The following SYT9 variants were observed in gnomAD, a reference collection of about 807,000 sequenced individuals.
The protein encoded by SYT9 is synaptotagmin 9.
SYT9 carries 22 observed loss-of-function variants against 48.4 expected under a neutral mutation model. That is an observed-to-expected ratio of 0.45 (90% CI 0.32 to 0.65). The LOEUF (loss-of-function observed/expected upper bound fraction) is 0.65. Ranked by LOEUF, SYT9 falls within the 30% of genes least tolerant of loss-of-function variation. The pLI, the probability that SYT9 is intolerant of heterozygous loss-of-function variation, is 0.03. For synonymous variants in SYT9, 265 were observed against 245.0 expected (o/e 1.08, Z -0.76); for missense variants, 577 against 622.0 (o/e 0.93, Z 0.77).
intron 6 of SYT9, among the ~76,000 whole-genome samples, chr11:7,463,243 T>TATTA (rs1470254627): frequency 2.0e-5 from 3 of 152,188 alleles, no homozygotes; most frequent in African/African-American, 7.2e-5. Flanking sequence ...GCTCAACAGT[T>TATTA]ATTAAACCAC....
At chr11:7,338,338 T>C (rs1260624890) in intron 3 of SYT9, among the ~76,000 whole-genome samples, 1 of 152,196 alleles carries the variant, frequency 6.6e-6, no homozygotes, top group Non-Finnish European at 1.5e-5. Context: ...TGATTTTTCA[T>C]GTCTCAATAT....
Position 7,407,404 on chromosome 11 carries a change from C to T in SYT9, c.1045-8638C>T, listed in dbSNP as rs1323989208. On this transcript the variant is annotated intron_variant, in intron 3 of 6. Coordinates refer to ENST00000318881, the MANE Select transcript of SYT9 (RefSeq NM_175733.4). ...TTTTTTTTTTTTTGAGACGGAGTCT[C>T]GCTCTGTCGCCCAGGCCGGACTGCG... Among the ~76,000 whole-genome samples the T allele has an allele frequency of 6.7e-5, 5 of 74,606 alleles. 1 individual carries two copies. Among genetic ancestry groups the T allele is most frequent in the Non-Finnish European group, 4.2e-5 (2 of 47,256 alleles). 48.9% of individuals were successfully genotyped at this position (74,606 alleles called of 152,430 possible).
intron 6 of SYT9, chr11:7,465,753 A>C (rs1848319718): frequency 5.9e-6 from 1 of 169,198 alleles, no homozygotes; most frequent in African/African-American, 2.4e-5. Flanking sequence ...CTGGACTTAC[A>C]GTTCCACATG....
At chr11:7,249,565 C>T (rs1489489993), upstream of SYT9, among the ~76,000 whole-genome samples, 2 of 152,186 alleles carry the variant, frequency 1.3e-5, no homozygotes, top group East Asian at 1.9e-4. Flanking sequence ...GCATCAACCA[C>T]TTTGGGATGT....
intron 6 of SYT9, chr11:7,439,877 T>C (rs1847795924): frequency 6.6e-6 from 1 of 152,360 alleles, no homozygotes; most frequent in Non-Finnish European, 1.5e-5. Flanking sequence ...AAGCTGTTTA[T>C]GGGCTGTCCA....
chr11:7,418,041 C>T lies in SYT9; in HGVS notation c.1250C>T (p.Pro417Leu), dbSNP rs765080670. Residue 417 changes from proline to leucine, a missense_variant, in exon 5 of 7, where the codon CCT becomes CTT. By Grantham distance (98) the Pro-to-Leu change is moderately conservative. Coordinates refer to ENST00000318881, the MANE Select transcript of SYT9 (RefSeq NM_175733.4). Reference sequence around the variant, plus strand: ...TCCACCAAGAGGAACACCTTGAATCCTGTTTACAACGAAGCCATAGTCTTT... The same window carrying T: ...TCCACCAAGAGGAACACCTTGAATCTTGTTTACAACGAAGCCATAGTCTTT... The part of the protein sequence containing the change: ...KTSTKRNTLN[P>L]VYNEAIVFDV... The T allele has an allele frequency of 6.2e-7, 1 of 1,614,204 alleles. No individual in the cohort carries two copies. Among genetic ancestry groups the T allele is most frequent in the Admixed American group, 1.7e-5 (1 of 60,022 alleles).
At chr11:7,406,564 A>G (rs1472388323) in intron 3 of SYT9, among the ~76,000 whole-genome samples, 1 of 113,330 alleles carries the variant, frequency 8.8e-6, no homozygotes, top group Non-Finnish European at 1.9e-5. Flanking sequence ...ATATATATAT[A>G]TATAGCACAT....
chr11:7,362,142 A>ATTTT (rs59675647), intron 3 of SYT9, among the ~76,000 whole-genome samples: 18 of 138,230 alleles, frequency 1.3e-4, no homozygotes, highest in East Asian at 2.1e-4. Context: ...ATTTTATTTT[A>ATTTT]TTTTTTTTTT....
chr11:7,309,460 C>T (rs182477108), intron 2 of SYT9, among the ~76,000 whole-genome samples: 223 of 152,286 alleles, frequency 1.5e-3, no homozygotes, highest in African/African-American at 4.8e-3. Flanking sequence ...AATTCCTACA[C>T]TCCCTCAATG....
chr11:7,323,116 G>T (rs10769778), intron 3 of SYT9, among the ~76,000 whole-genome samples: 65,064 of 151,824 alleles, frequency 0.43, 14,707 homozygotes, highest in East Asian at 0.92. Context: ...TTAATTTTAA[G>T]TTTTTTTCTA....
chr11:7,422,285 G>A (rs79914061), intron 6 of SYT9, among the ~76,000 whole-genome samples: 1,816 of 152,266 alleles, frequency 0.012, 30 homozygotes, highest in African/African-American at 0.04. Flanking sequence ...CAGGGTTTAT[G>A]GATTCTAACC....
rs1185152848 is a variant in SYT9, at chr11:7,432,604, T to A, written c.1467+11969T>A. On this transcript the variant is annotated intron_variant, in intron 6 of 6. Transcript: ENST00000318881. ...AAAAATATATATACATATATATATATATATATATATATATATATATATATA... is the reference window on the plus strand; with the variant it reads ...AAAAATATATATACATATATATATAAATATATATATATATATATATATATA... Among the ~76,000 whole-genome samples, 15 of 11,780 alleles carry A rather than the reference T, an allele frequency of 1.3e-3. 3 individuals carry two copies. Among genetic ancestry groups the A allele is most frequent in the Admixed American group, 4.2e-3 (4 of 942 alleles). The allele number at this position is 11,780 out of a possible 152,430, so 7.7% of individuals were successfully genotyped here.
In SYT9 at chr11:7,282,611, T is replaced by A. The variant is rs79901883; in HGVS notation, c.146-20428T>A. Among the ~76,000 whole-genome samples the A allele has an allele frequency of 2.4e-3, 371 of 152,222 alleles. 2 individuals are homozygous for A. Among genetic ancestry groups the A allele is most frequent in the Admixed American group, 5.8e-3 (88 of 15,296 alleles). On this transcript the variant is annotated intron_variant, in intron 1 of 6. Coordinates refer to ENST00000318881, the MANE Select transcript of SYT9 (RefSeq NM_175733.4). ...CCTCTCTGAGTACTGTGTGCACGCT[T>A]GCCAGCCTAGAGGTGTCTTCAGTGG...
chr11:7,456,857 G>A (rs1223454128), intron 6 of SYT9: 1 of 152,158 alleles, frequency 6.6e-6, no homozygotes, highest in Non-Finnish European at 1.5e-5. Context: ...GATCTGTCAA[G>A]GCAAGAGGGG....
chr11:7,270,503 T>C (rs937691804), intron 1 of SYT9, among the ~76,000 whole-genome samples: 15 of 152,224 alleles, frequency 9.9e-5, no homozygotes, highest in African/African-American at 3.4e-4. Context: ...TTTTTCTAAA[T>C]GCTAATCAGT....
At chr11:7,338,556 C>G (rs1849665623) in intron 3 of SYT9, among the ~76,000 whole-genome samples, 1 of 152,078 alleles carries the variant, frequency 6.6e-6, no homozygotes, top group Non-Finnish European at 1.5e-5. Flanking sequence ...TGTCTTTGTT[C>G]TCATTAGTAT....
chr11:7,308,018 G>T (rs1199586002), intron 2 of SYT9, among the ~76,000 whole-genome samples: 1 of 152,174 alleles, frequency 6.6e-6, no homozygotes, highest in Non-Finnish European at 1.5e-5. Flanking sequence ...GCCCAAGAAA[G>T]CCTCAGATTT....
intron 6 of SYT9, among the ~76,000 whole-genome samples, chr11:7,450,170 C>A (rs1399564654): frequency 3.9e-5 from 6 of 152,234 alleles, no homozygotes; most frequent in Non-Finnish European, 8.8e-5. Flanking sequence ...TGAGGCTTAA[C>A]TAATTTATCC....
intron 3 of SYT9, among the ~76,000 whole-genome samples, chr11:7,411,190 G>A (rs897253228): frequency 6.6e-6 from 1 of 152,116 alleles, no homozygotes; most frequent in Non-Finnish European, 1.5e-5. Flanking sequence ...CTTTGTTCCT[G>A]CCATGCTCTT....
Sources: allele counts gnomAD v4.1 joint callset (sites outside exome capture counted in the v4.1 genomes callset), GRCh38; gene constraint gnomAD v4.1.1; transcripts MANE v1.5; gene names NCBI Gene and HGNC (gene_info 2026-07-23, HGNC 2026-07-21).